SUPT3H: variants seen among roughly 807,000 people sequenced by gnomAD.
SUPT3H encodes transcription initiation protein SPT3 homolog.
A neutral mutation model predicts 44.3 loss-of-function variants in SUPT3H; 44 were observed. That is an observed-to-expected ratio of 0.99 (90% CI 0.78 to 1.28). SUPT3H has a LOEUF of 1.28. SUPT3H is among the 50% of genes most tolerant of loss of function. The probability of loss-of-function intolerance (pLI) is 0.00; values close to 1 mark genes in which losing one functional copy is unlikely to be tolerated. For missense variants in SUPT3H, 380 were observed against 387.1 expected (o/e 0.98, Z 0.15); for synonymous variants, 124 against 125.6 (o/e 0.99, Z 0.09).
intron 2 of SUPT3H, chr6:45,322,024 T>C: frequency 7.1e-6 from 4 of 565,478 alleles, no homozygotes; most frequent in Non-Finnish European, 1.2e-5. Flanking sequence ...ATATTGTTAA[T>C]ACTAATAACT....
At chr6:45,296,184 C>CCACACACACACACA (rs1562899662) in intron 2 of SUPT3H, among the ~76,000 whole-genome samples, 1 of 69,254 alleles carries the variant, frequency 1.4e-5, no homozygotes, top group Non-Finnish European at 3.5e-5. Flanking sequence ...CATACACATA[C>CCACACACACACACA]TACACACACA....
chr6:45,093,987 T>C (rs1267734673), intron 3 of SUPT3H, among the ~76,000 whole-genome samples: 2 of 152,188 alleles, frequency 1.3e-5, no homozygotes. Flanking sequence ...TTGAACTTCA[T>C]TTAAAATTGG....
At chr6:45,176,228 C>T (rs375426977) in intron 2 of SUPT3H, among the ~76,000 whole-genome samples, 2 of 151,542 alleles carry the variant, frequency 1.3e-5, no homozygotes, top group African/African-American at 2.4e-5. Flanking sequence ...GCACCGTGCG[C>T]GAGCCGAAGC....
At chr6:45,215,634 T>C (rs1028647202) in intron 2 of SUPT3H, among the ~76,000 whole-genome samples, 1 of 151,928 alleles carries the variant, frequency 6.6e-6, no homozygotes, top group African/African-American at 2.4e-5. Context: ...TCTGAATTAA[T>C]CTAGTCAGAC....
At chr6:44,902,299 C>T (rs1279318087) in intron 10 of SUPT3H, among the ~76,000 whole-genome samples, 2 of 152,082 alleles carry the variant, frequency 1.3e-5, no homozygotes, top group African/African-American at 2.4e-5. Flanking sequence ...CACAGACACA[C>T]AGAGGCTCAA....
intron 9 of SUPT3H, among the ~76,000 whole-genome samples, chr6:44,934,366 T>C (rs1224658218): frequency 6.6e-6 from 1 of 152,186 alleles, no homozygotes; most frequent in Non-Finnish European, 1.5e-5. Context: ...TAATGAGGGA[T>C]TGGTTAAATA....
At chr6:44,980,158 T>A (rs1252937531) in intron 6 of SUPT3H, among the ~76,000 whole-genome samples, 1 of 151,898 alleles carries the variant, frequency 6.6e-6, no homozygotes, top group Non-Finnish European at 1.5e-5. Flanking sequence ...CATTTTGTGA[T>A]TCAGAATGTC....
At chr6:44,951,432 C>T (rs752391486) in intron 9 of SUPT3H, among the ~76,000 whole-genome samples, 10 of 152,084 alleles carry the variant, frequency 6.6e-5, no homozygotes, top group Non-Finnish European at 1.2e-4. Flanking sequence ...GATGTACAGG[C>T]CCTTGATGTT....
chr6:44,954,751 T>C (rs1487400325), intron 7 of SUPT3H, 144 bp from the exon 8 acceptor site: 2 of 615,974 alleles, frequency 3.2e-6, no homozygotes, highest in Admixed American at 5.9e-5. Flanking sequence ...AATGTCTAGA[T>C]ATTCTGGCCC....
At chr6:44,851,467 G>C (rs1772871653) in intron 10 of SUPT3H, among the ~76,000 whole-genome samples, 1 of 152,162 alleles carries the variant, frequency 6.6e-6, no homozygotes, top group African/African-American at 2.4e-5. Flanking sequence ...ACTTCAGATT[G>C]ATCTACCAAA....
chr6:45,052,212 T>C (rs1042219532), intron 3 of SUPT3H, among the ~76,000 whole-genome samples: 7 of 152,118 alleles, frequency 4.6e-5, no homozygotes, highest in African/African-American at 1.4e-4. Flanking sequence ...TTTTCTGAAA[T>C]GGGATAATTA....
chr6:45,246,727 A>G (rs1377566123), intron 2 of SUPT3H, among the ~76,000 whole-genome samples: 1 of 152,204 alleles, frequency 6.6e-6, no homozygotes, highest in Admixed American at 6.5e-5. Context: ...ACACGTATCT[A>G]AGCAATTCAC....
At chr6:44,981,461 A>AACAGTGC (rs2153489893) in intron 6 of SUPT3H, among the ~76,000 whole-genome samples, 1 of 152,370 alleles carries the variant, frequency 6.6e-6, no homozygotes, top group South Asian at 2.1e-4. Context: ...ATCCCAATAC[A>AACAGTGC]TTCTGTATAT....
At chr6:45,338,527 T>C (rs1352499501) in intron 2 of SUPT3H, among the ~76,000 whole-genome samples, 3 of 152,096 alleles carry the variant, frequency 2.0e-5, no homozygotes, top group Non-Finnish European at 4.4e-5. Flanking sequence ...TTCAGGTAGC[T>C]GCCAGTAGGT....
At chr6:44,824,056 C>A (rs1767558376), downstream of SUPT3H, among the ~76,000 whole-genome samples, 1 of 152,222 alleles carries the variant, frequency 6.6e-6, no homozygotes, top group Non-Finnish European at 1.5e-5. Context: ...CTCATGTCTT[C>A]TGTCAATTGG....
intron 2 of SUPT3H, among the ~76,000 whole-genome samples, chr6:45,185,550 G>T (rs931242672): frequency 2.0e-5 from 3 of 152,174 alleles, no homozygotes; most frequent in African/African-American, 7.2e-5. Context: ...ATAACTTTAA[G>T]CTTACAAGTT....
chr6:45,047,923 C>T (rs1428590680), intron 3 of SUPT3H, among the ~76,000 whole-genome samples: 1 of 144,578 alleles, frequency 6.9e-6, no homozygotes, highest in Admixed American at 6.8e-5. Context: ...CAGTCTTTGC[C>T]CATTTTTTTT....
chr6:45,303,232 C>T (rs189838025), intron 2 of SUPT3H, among the ~76,000 whole-genome samples: 2 of 152,192 alleles, frequency 1.3e-5, no homozygotes, highest in Admixed American at 6.5e-5. Flanking sequence ...GACCAAGAAC[C>T]CAAAAGCAAA....
chr6:45,020,439 GTTATTATT>G (rs1784963742), intron 4 of SUPT3H, 99 bp downstream of exon 4: 1 of 777,238 alleles, frequency 1.3e-6, no homozygotes, highest in Non-Finnish European at 2.0e-6. Flanking sequence ...CAGTTCAATA[GTTATTATT>G]TTAATTTGAA....
Sources: allele counts gnomAD v4.1 joint callset (sites outside exome capture counted in the v4.1 genomes callset), GRCh38; gene constraint gnomAD v4.1.1; transcripts MANE v1.5; gene names NCBI Gene and HGNC (gene_info 2026-07-23, HGNC 2026-07-21).